Variants in CNIH3 observed in about 807,000 individuals in gnomAD.
The protein encoded by CNIH3 is protein cornichon homolog 3.
Under a neutral mutation model 24.1 loss-of-function variants are expected in CNIH3, and 14 were observed. The ratio of observed to expected loss-of-function variants is 0.58; its 90% CI spans 0.38 to 0.91. The LOEUF is 0.91. Ranked by LOEUF, CNIH3 falls within the 40% of genes least tolerant of loss-of-function variation. The pLI is 0.00. For synonymous variants in CNIH3, 68 were observed against 73.8 expected (o/e 0.92, Z 0.40); for missense variants, 178 against 196.8 (o/e 0.90, Z 0.57).
intron 3 of CNIH3, among the ~76,000 whole-genome samples, chr1:224,603,851 G>T (rs1190240900): frequency 6.6e-6 from 1 of 152,182 alleles, no homozygotes; most frequent in African/African-American, 2.4e-5. Context: ...GAAGATTGAG[G>T]TGTATGATCT....
At chr1:224,611,852 G>A (rs1467095917), upstream of CNIH3, among the ~76,000 whole-genome samples, 1 of 152,148 alleles carries the variant, frequency 6.6e-6, no homozygotes, top group African/African-American at 2.4e-5. Context: ...TCACCAATTA[G>A]ACTAGAAACC....
rs117457707 is a variant in CNIH3, at chr1:224,559,799, C to T, written n.451-6400C>T. On this transcript the variant is annotated intron_variant and non_coding_transcript_variant, in intron 3 of 5. Coordinates refer to the CNIH3 transcript ENST00000471578. ...AGCAAACACTCAGGGCAAAAATAGT[C>T]TACTGCTAGCATTCCAGTAGGCCCT... Among the ~76,000 whole-genome samples, 169 of 152,234 alleles carry T rather than the reference C, an allele frequency of 1.1e-3. 2 individuals carry two copies. The East Asian group carries it at 0.028, about 25-fold the overall frequency.
At chr1:224,690,191 T>C (rs1686861639) in intron 3 of CNIH3, among the ~76,000 whole-genome samples, 1 of 152,152 alleles carries the variant, frequency 6.6e-6, no homozygotes, top group African/African-American at 2.4e-5. Context: ...ACCAAGTTAG[T>C]TATTTTCATT....
At chr1:224,675,505 G>A (rs1686093351) in intron 1 of CNIH3, among the ~76,000 whole-genome samples, 1 of 152,126 alleles carries the variant, frequency 6.6e-6, no homozygotes, top group African/African-American at 2.4e-5. Context: ...TTTGCTCTGA[G>A]AAGCATACTG....
chr1:224,464,921 G>A (rs945226124), intron 1 of CNIH3, among the ~76,000 whole-genome samples: 2 of 151,058 alleles, frequency 1.3e-5, no homozygotes, highest in African/African-American at 2.4e-5. Flanking sequence ...TCAGCCTCCC[G>A]TGTAGCTGGG....
intron 1 of CNIH3, among the ~76,000 whole-genome samples, chr1:224,504,796 G>A (rs1677825322): frequency 1.3e-5 from 2 of 152,072 alleles, no homozygotes; most frequent in Admixed American, 1.3e-4. Context: ...TTCTTATCTG[G>A]GAAATGGGAC....
intron 1 of CNIH3, among the ~76,000 whole-genome samples, chr1:224,505,028 CCCTCCCTTCCTTCCTTCCTT>C (rs1340569929): frequency 1.6e-4 from 8 of 49,912 alleles, no homozygotes; most frequent in African/African-American, 6.8e-4. Flanking sequence ...CTCCCTCCCT[CCCTCCCTTCCTTCCTTCCTT>C]CCTTCCTTCC....
intron 4 of CNIH3, chr1:224,575,348 T>A: frequency 9.6e-7 from 1 of 1,042,408 alleles, no homozygotes; most frequent in South Asian, 1.3e-5. Flanking sequence ...CTTGGTGAGC[T>A]GTGCCTCCCA....
At chr1:224,635,587 C>T (rs1558237251) in intron 1 of CNIH3, among the ~76,000 whole-genome samples, 1 of 152,222 alleles carries the variant, frequency 6.6e-6, no homozygotes, top group Non-Finnish European at 1.5e-5. Flanking sequence ...TCAGACCTCA[C>T]AGCACAGCCG....
intron 1 of CNIH3, 129 bp downstream of exon 1, chr1:224,617,384 C>A: frequency 9.6e-7 from 1 of 1,038,774 alleles, no homozygotes; most frequent in East Asian, 2.5e-5. Context: ...CTCCACTGTC[C>A]CGGGGCAGGA....
At chr1:224,591,490 C>G (rs1227178065), downstream of CNIH3, among the ~76,000 whole-genome samples, 3 of 152,170 alleles carry the variant, frequency 2.0e-5, no homozygotes, top group Non-Finnish European at 4.4e-5. Flanking sequence ...CTTGGAGGCC[C>G]ATTTACATGA....
intron 4 of CNIH3, among the ~76,000 whole-genome samples, chr1:224,579,067 C>CTTTTTTTTTTTTTTTT (rs60330387): frequency 2.2e-5 from 3 of 138,940 alleles, no homozygotes; most frequent in African/African-American, 2.7e-5. Flanking sequence ...TTTCTTTTTT[C>CTTTTTTTTTTTTTTTT]TTTTTTTTTT....
At chr1:224,676,393 A>G (rs550805658) in intron 1 of CNIH3, among the ~76,000 whole-genome samples, 137 of 152,274 alleles carry the variant, frequency 9.0e-4, no homozygotes, top group African/African-American at 3.2e-3. Context: ...TTTTGGGGTG[A>G]TAGAACTGTT....
At chr1:224,570,422 G>A (rs971676549) in intron 4 of CNIH3, among the ~76,000 whole-genome samples, 7 of 152,202 alleles carry the variant, frequency 4.6e-5, no homozygotes, top group Middle Eastern at 3.4e-3. Flanking sequence ...TGCGATATTC[G>A]GTTTTCTGTT....
chr1:224,592,246 A>T (rs941737542), downstream of CNIH3, among the ~76,000 whole-genome samples: 19 of 152,232 alleles, frequency 1.2e-4, no homozygotes, highest in Admixed American at 8.5e-4. Context: ...ACTGAGAAAA[A>T]TGGAATAATT....
intron 3 of CNIH3, among the ~76,000 whole-genome samples, chr1:224,605,644 C>A (rs964446238): frequency 6.6e-6 from 1 of 152,136 alleles, no homozygotes; most frequent in African/African-American, 2.4e-5. Context: ...TTTGAGATTT[C>A]TTTTCAGGTT....
intron 1 of CNIH3, among the ~76,000 whole-genome samples, chr1:224,462,122 C>T (rs115614710): frequency 0.019 from 2,918 of 152,192 alleles, 26 homozygotes; most frequent in Non-Finnish European, 0.03. Context: ...CCATCCGCAC[C>T]GTTGGTGTAT....
chr1:224,653,380 C>A (rs1011375578), intron 1 of CNIH3, among the ~76,000 whole-genome samples: 1 of 149,234 alleles, frequency 6.7e-6, no homozygotes, highest in Non-Finnish European at 1.5e-5. Flanking sequence ...CAAGATCGTG[C>A]CATTGCACTC....
intron 1 of CNIH3, among the ~76,000 whole-genome samples, chr1:224,448,926 A>G (rs990916187): frequency 1.4e-4 from 21 of 146,590 alleles, no homozygotes; most frequent in African/African-American, 1.8e-4. Flanking sequence ...GAATGTCACA[A>G]TTTCTCCCAC....
Sources: gnomAD v4.1 joint callset for allele counts (sites outside exome capture counted in the v4.1 genomes callset) on GRCh38, gnomAD v4.1.1 for gene constraint, MANE v1.5 for transcripts, NCBI Gene and HGNC (gene_info 2026-07-23, HGNC 2026-07-21) for gene names.